MYO16: variants seen among roughly 807,000 people sequenced by gnomAD.
The protein encoded by MYO16 is myosin XVI.
A neutral mutation model predicts 205.3 loss-of-function variants in MYO16; 94 were observed. The observed-to-expected ratio is 0.46, with a 90% CI of 0.39 to 0.54. The LOEUF (loss-of-function observed/expected upper bound fraction) is 0.54. Among genes scored for constraint, MYO16 ranks in the 20% least tolerant of loss-of-function variants. MYO16 has a pLI of 0.00. For missense variants in MYO16, 2,315 were observed against 2,387.5 expected, an observed-to-expected ratio of 0.97 and a Z score of 0.63; for synonymous variants, 988 against 954.0, an observed-to-expected ratio of 1.04 and a Z score of -0.66.
At chr13:108,768,185 A>C (rs1178839999) in intron 4 of MYO16, among the ~76,000 whole-genome samples, 2 of 152,088 alleles carry the variant, frequency 1.3e-5, no homozygotes, top group African/African-American at 4.8e-5. Flanking sequence ...TGTCCGTTTG[A>C]ATCTTTTCCT....
At chr13:109,150,156 T>A (rs1877573251) in intron 32 of MYO16, among the ~76,000 whole-genome samples, 1 of 152,154 alleles carries the variant, frequency 6.6e-6, no homozygotes, top group Non-Finnish European at 1.5e-5. Flanking sequence ...CGACCATGAT[T>A]GGAACAGGGG....
chr13:109,057,042 A>T (rs1887438392), intron 27 of MYO16, among the ~76,000 whole-genome samples: 1 of 152,190 alleles, frequency 6.6e-6, no homozygotes, highest in Non-Finnish European at 1.5e-5. Context: ...AAGCTGTGAA[A>T]CAAAAACAAA....
chr13:109,093,078 T>C (rs957100084), intron 27 of MYO16, among the ~76,000 whole-genome samples: 2 of 152,218 alleles, frequency 1.3e-5, no homozygotes, highest in African/African-American at 2.4e-5. Context: ...GTTTTTATGC[T>C]TGAGTCCTTG....
At chr13:109,191,299 A>G (rs925453715) in intron 34 of MYO16, among the ~76,000 whole-genome samples, 11 of 152,098 alleles carry the variant, frequency 7.2e-5, no homozygotes, top group Non-Finnish European at 1.2e-4. Context: ...TACTAGGCAC[A>G]AGTCTAGGCA....
chr13:108,616,617 A>AGG, intron 1 of MYO16, among the ~76,000 whole-genome samples: 2 of 152,122 alleles, frequency 1.3e-5, no homozygotes. Context: ...ATGTGCTCCT[A>AGG]GGGAATTAAG....
intron 2 of MYO16, among the ~76,000 whole-genome samples, chr13:108,694,725 A>G (rs1883024444): frequency 6.6e-6 from 1 of 152,184 alleles, no homozygotes; most frequent in Non-Finnish European, 1.5e-5. Flanking sequence ...GATGAAGTCC[A>G]ATTTATACAT....
chr13:108,642,574 C>T (rs879584280), intron 1 of MYO16, among the ~76,000 whole-genome samples: 19 of 152,150 alleles, frequency 1.2e-4, no homozygotes, highest in Admixed American at 2.6e-4. Flanking sequence ...TGCACCACCA[C>T]GCCCAGCTAA....
Position 109,046,131 on chromosome 13 carries a change from C to T in MYO16, c.2797-785C>T, listed in dbSNP as rs1388328104. 3.3e-5 allele frequency among the ~76,000 whole-genome samples: 5 copies of T among 152,300 alleles called. 1 individual carries two copies. The South Asian group carries it at 8.3e-4, about 25-fold the overall frequency. On this transcript the variant is annotated intron_variant, in intron 23 of 34. Coordinates refer to ENST00000457511, the MANE Select transcript of MYO16 (RefSeq NM_001198950.3). ...CTTGCTCAGGAGTAAAGAGGCCTCA[C>T]TGGTTTTGTGTCTCCCATTATCCAC... is the stretch of plus-strand genomic sequence containing the variant.
intron 27 of MYO16, among the ~76,000 whole-genome samples, chr13:109,095,342 C>T (rs1888745356): frequency 6.6e-6 from 1 of 152,214 alleles, no homozygotes. Flanking sequence ...GCTCCGGACT[C>T]ACGTCCTGCT....
At chr13:109,022,322 CAAATATATATTTATA>C (rs1566466036) in intron 23 of MYO16, among the ~76,000 whole-genome samples, 4 of 114,218 alleles carry the variant, frequency 3.5e-5, no homozygotes, top group Non-Finnish European at 6.6e-5. Flanking sequence ...ATATTATATA[CAAATATATATTTATA>C]TATTATATAC....
chr13:108,853,925 T>C (rs190646734), intron 10 of MYO16, among the ~76,000 whole-genome samples: 19 of 151,708 alleles, frequency 1.3e-4, no homozygotes, highest in Non-Finnish European at 2.4e-4. Context: ...CCTTTCAACA[T>C]GCCCACTACT....
chr13:108,847,702 A>G (rs1877593930), intron 10 of MYO16, among the ~76,000 whole-genome samples: 1 of 152,148 alleles, frequency 6.6e-6, no homozygotes, highest in Non-Finnish European at 1.5e-5. Flanking sequence ...ATTTCCGAGA[A>G]CCACTAAAAT....
chr13:108,945,151 A>G (rs1203703907), intron 16 of MYO16, among the ~76,000 whole-genome samples: 1 of 152,196 alleles, frequency 6.6e-6, no homozygotes, highest in Non-Finnish European at 1.5e-5. Flanking sequence ...GATTTCTCAC[A>G]CTAACATCTC....
intron 2 of MYO16, among the ~76,000 whole-genome samples, chr13:108,681,453 T>C (rs1276886968): frequency 6.6e-6 from 1 of 152,230 alleles, no homozygotes. Flanking sequence ...TTGCCAAATA[T>C]GTTTTCTGTG....
intron 33 of MYO16, among the ~76,000 whole-genome samples, chr13:109,168,087 A>C (rs963303950): frequency 1.3e-5 from 2 of 152,154 alleles, no homozygotes; most frequent in African/African-American, 4.8e-5. Flanking sequence ...GATAATATCC[A>C]AACTAGTAAA....
At position 109,061,691 on chromosome 13, in the gene MYO16, G is replaced by T. The variant is rs188990230; in HGVS notation, c.3335+6096G>T. 2.0e-3 allele frequency among the ~76,000 whole-genome samples: 309 copies of T among 152,210 alleles called. 1 individual carries two copies. The highest frequency in any genetic ancestry group is 7.0e-3 in the African/African-American group (292 of 41,546). On this transcript the variant is annotated intron_variant, in intron 27 of 34. Transcript: ENST00000457511. ...TTGCTGACCACAGGTCACCATAACA[G>T]ATATAATATTAATGAAAAGGTTTTA...
chr13:109,151,263 G>A lies in MYO16; in HGVS notation c.5164+9887G>A, dbSNP rs925426247. Among the ~76,000 whole-genome samples, 5 of 152,132 alleles carry A rather than the reference G, an allele frequency of 3.3e-5. No homozygotes were observed. In the South Asian group the frequency reaches 1.0e-3, roughly 32 times the overall value. ...AGCCGTCCACCATGTACTCTGTGCAGAGCTTCTCAGGCCTTTACTGACTCC... is the reference window on the plus strand; with the variant it reads ...AGCCGTCCACCATGTACTCTGTGCAAAGCTTCTCAGGCCTTTACTGACTCC... On this transcript the variant is annotated intron_variant, in intron 32 of 34. Coordinates refer to ENST00000457511, the MANE Select transcript of MYO16 (RefSeq NM_001198950.3).
At chr13:108,886,051 G>A (rs749430703) in intron 13 of MYO16, among the ~76,000 whole-genome samples, 1 of 151,932 alleles carries the variant, frequency 6.6e-6, no homozygotes, top group South Asian at 2.1e-4. Flanking sequence ...GCAGTGGCGC[G>A]ATCTGGGCTC....
chr13:108,608,503 C>T (rs1879045657), intron 1 of MYO16, among the ~76,000 whole-genome samples: 1 of 152,180 alleles, frequency 6.6e-6, no homozygotes, highest in South Asian at 2.1e-4. Context: ...TCTCTTTCAT[C>T]TTAACCTATT....
Sources: gnomAD v4.1 joint callset for allele counts (sites outside exome capture counted in the v4.1 genomes callset) on GRCh38, gnomAD v4.1.1 for gene constraint, MANE v1.5 for transcripts, NCBI Gene and HGNC (gene_info 2026-07-23, HGNC 2026-07-21) for gene names.